CDKL1: variants seen among roughly 807,000 people sequenced by gnomAD.
The protein encoded by CDKL1 is cyclin-dependent kinase-like 1.
In CDKL1, 41 loss-of-function variants were observed where a neutral mutation model predicts 42.0. The observed-to-expected ratio is 0.98, with a 90% CI of 0.76 to 1.27. The LOEUF is 1.27. CDKL1 is among the 50% of genes most tolerant of loss of function. The probability of loss-of-function intolerance (pLI) is 0.00; values close to 1 mark genes in which losing one functional copy is unlikely to be tolerated. For synonymous variants in CDKL1, 153 were observed against 158.6 expected (o/e 0.96, Z 0.26); for missense variants, 394 against 428.4 (o/e 0.92, Z 0.71).
intron 3 of CDKL1, among the ~76,000 whole-genome samples, chr14:50,349,399 G>A (rs572748093): frequency 2.0e-5 from 3 of 152,164 alleles, no homozygotes; most frequent in Non-Finnish European, 4.4e-5. Context: ...GCCCCTCATG[G>A]ATGCAGTCCA....
chr14:50,343,155 C>CTTTTTTT (rs3049935), intron 4 of CDKL1: 73 of 293,844 alleles, frequency 2.5e-4, no homozygotes, highest in South Asian at 3.7e-4. Context: ...TTAAGAGTTA[C>CTTTTTTT]TTTTTTTTTT....
intron 6 of CDKL1, among the ~76,000 whole-genome samples, chr14:50,340,270 T>C (rs993032373): frequency 6.6e-6 from 1 of 152,130 alleles, no homozygotes; most frequent in African/African-American, 2.4e-5. Flanking sequence ...AGTAGAAATA[T>C]AAGACGTGGT....
intron 2 of CDKL1, chr14:50,378,428 T>C (rs1324748188): frequency 1.5e-6 from 2 of 1,366,172 alleles, no homozygotes; most frequent in African/African-American, 1.5e-5. Flanking sequence ...TAGTAAAATG[T>C]AAGGCTGGAA....
chr14:50,336,659 A>AT (rs1467822056), intron 7 of CDKL1, among the ~76,000 whole-genome samples: 8 of 152,182 alleles, frequency 5.3e-5, no homozygotes, highest in African/African-American at 1.9e-4. Context: ...GGTTAGTTTC[A>AT]TTTTTAAGAT....
At chr14:50,358,636 C>CTTTTCTTTTTTTTTT (rs2034134692) in intron 3 of CDKL1, among the ~76,000 whole-genome samples, 1 of 67,646 alleles carries the variant, frequency 1.5e-5, no homozygotes, top group African/African-American at 5.8e-5. Flanking sequence ...TTTAACTAGT[C>CTTTTCTTTTTTTTTT]TTTTTTTTTT....
chr14:50,326,490 GGTT>G lies in CDKL1; in HGVS notation c.*3581_*3583del, dbSNP rs916546588. On this transcript the variant is annotated 3_prime_UTR_variant, in exon 10 of 10. Coordinates refer to ENST00000395834, the MANE Select transcript of CDKL1 (RefSeq NM_004196.7). Reference sequence around the variant, plus strand: ...GAGTCAATTATGCAAAGTGGTCAGTGGTTGTTGAAGCATGCATTGCTTCAACAG... The same window carrying G: ...GAGTCAATTATGCAAAGTGGTCAGTGGTTGAAGCATGCATTGCTTCAACAG... The G allele has an allele frequency of 1.8e-5, 18 of 985,398 alleles. No individual in the cohort carries two copies. Among genetic ancestry groups the G allele is most frequent in the Non-Finnish European group, 2.2e-5 (18 of 829,918 alleles). 61.0% of individuals were successfully genotyped at this position (985,398 alleles called of 1,614,324 possible).
At chr14:50,347,781 A>G (rs1187124725) in intron 3 of CDKL1, among the ~76,000 whole-genome samples, 1 of 152,222 alleles carries the variant, frequency 6.6e-6, no homozygotes, top group African/African-American at 2.4e-5. Flanking sequence ...GAAGCCAATT[A>G]AGGAGTGAAT....
rs981679991 is a variant in CDKL1 at position 50,326,395 on chromosome 14, G to T, written c.*3679C>A. 11 of 945,798 alleles carry T rather than the reference G, an allele frequency of 1.2e-5. No individual in the cohort carries two copies. The African/African-American group carries it at 2.0e-4, about 17-fold the overall frequency. 58.6% of individuals were successfully genotyped at this position (945,798 alleles called of 1,614,324 possible). A position where few individuals can be genotyped will look rare whatever the true frequency, so the allele number is the denominator to read the frequency against. ...ACAGTAATTTACATTTAACTTTAAAGTTAGTGAAGCATACTACCATAAATG... is the reference window on the plus strand; with the variant it reads ...ACAGTAATTTACATTTAACTTTAAATTTAGTGAAGCATACTACCATAAATG... On this transcript the variant is annotated 3_prime_UTR_variant, in exon 10 of 10. Coordinates refer to ENST00000395834, the MANE Select transcript of CDKL1 (RefSeq NM_004196.7).
At chr14:50,353,209 G>A (rs556466304) in intron 3 of CDKL1, among the ~76,000 whole-genome samples, 2 of 152,272 alleles carry the variant, frequency 1.3e-5, no homozygotes, top group South Asian at 4.1e-4. Flanking sequence ...GCTGTATTGT[G>A]ACCCTAATGT....
At chr14:50,341,464 G>GC (rs1412244922) in intron 5 of CDKL1, among the ~76,000 whole-genome samples, 6 of 138,700 alleles carry the variant, frequency 4.3e-5, no homozygotes, top group African/African-American at 1.6e-4. Flanking sequence ...TCTGGGGGGG[G>GC]GGGGGGGGTT....
At chr14:50,339,221 G>T (rs1473928499) in intron 6 of CDKL1, among the ~76,000 whole-genome samples, 192 bp from the exon 7 acceptor site, 1 of 152,098 alleles carries the variant, frequency 6.6e-6, no homozygotes, top group Non-Finnish European at 1.5e-5. Flanking sequence ...AGCACACTGT[G>T]TTAGGCACAG....
chr14:50,371,118 G>A (rs916167414), intron 2 of CDKL1, among the ~76,000 whole-genome samples: 8 of 152,204 alleles, frequency 5.3e-5, no homozygotes, highest in Admixed American at 5.2e-4. Flanking sequence ...ACTGTATTGT[G>A]TATATATACT....
In CDKL1 at chr14:50,369,750, C is replaced by T. The variant is rs143631223; in HGVS notation, c.169-10601G>A. Among the ~76,000 whole-genome samples, 247 of 151,728 alleles carry T rather than the reference C, an allele frequency of 1.6e-3. 1 individual carries two copies. The highest frequency in any genetic ancestry group is 5.5e-3 in the African/African-American group (226 of 41,378). ...TCTCCTGCCTCAGCCTCCTGAGTAG[C>T]TGGGATTACAGGCACCAGCCACCAC... On this transcript the variant is annotated intron_variant, in intron 2 of 9. Coordinates refer to ENST00000395834, the MANE Select transcript of CDKL1 (RefSeq NM_004196.7).
At chr14:50,334,133 A>C (rs2139367430) in intron 8 of CDKL1, 1 of 152,834 alleles carries the variant, frequency 6.5e-6, no homozygotes, top group Non-Finnish European at 1.5e-5. Context: ...CATTTAAAAA[A>C]ATTGAAAATA....
At chr14:50,380,217 T>A (rs2034864635) in intron 2 of CDKL1, 2 of 532,582 alleles carry the variant, frequency 3.8e-6, no homozygotes, top group Non-Finnish European at 3.8e-6. Flanking sequence ...GTCAAAATAG[T>A]AAATCCGAAG....
At chr14:50,367,967 T>C (rs1401892503) in intron 2 of CDKL1, among the ~76,000 whole-genome samples, 3 of 152,244 alleles carry the variant, frequency 2.0e-5, no homozygotes, top group Non-Finnish European at 4.4e-5. Flanking sequence ...CAAATTATTA[T>C]TACTTTTTTG....
intron 2 of CDKL1, chr14:50,362,866 C>A (rs778110862): frequency 2.6e-6 from 1 of 388,054 alleles, no homozygotes. Context: ...AAGCAGGCTG[C>A]CCGACCCAGC....
chr14:50,364,814 C>G (rs2034392696), intron 2 of CDKL1, among the ~76,000 whole-genome samples: 1 of 152,138 alleles, frequency 6.6e-6, no homozygotes, highest in Non-Finnish European at 1.5e-5. Context: ...TGATTTTTCT[C>G]TATTCATTTT....
chr14:50,338,063 A>G (rs1446892916), intron 7 of CDKL1, among the ~76,000 whole-genome samples: 1 of 152,196 alleles, frequency 6.6e-6, no homozygotes, highest in African/African-American at 2.4e-5. Flanking sequence ...CCACATCTTT[A>G]TGCTCTTGGA....
Sources: gnomAD v4.1 joint callset for allele counts (sites outside exome capture counted in the v4.1 genomes callset) on GRCh38, gnomAD v4.1.1 for gene constraint, MANE v1.5 for transcripts, NCBI Gene and HGNC (gene_info 2026-07-23, HGNC 2026-07-21) for gene names.